Variants in EPHA5 observed in about 807,000 individuals in gnomAD.
EPHA5 encodes the protein EPH receptor A5.
A neutral mutation model predicts 105.0 loss-of-function variants in EPHA5; 60 were observed. That is an observed-to-expected ratio of 0.57 (90% CI 0.46 to 0.71). The LOEUF is 0.71. Ranked by LOEUF, EPHA5 falls within the 30% of genes least tolerant of loss-of-function variation. EPHA5 has a pLI of 0.00. For missense variants in EPHA5, 1,218 were observed against 1,274.7 expected (o/e 0.96, Z 0.68); for synonymous variants, 513 against 449.1 (o/e 1.14, Z -1.80).
chr4:65,574,371 ATAAT>A (rs562815153), intron 3 of EPHA5: 625 of 851,102 alleles, frequency 7.3e-4, no homozygotes, highest in African/African-American at 5.1e-3. Flanking sequence ...CAAAAAAAAA[ATAAT>A]AATAATAAAA....
At chr4:65,510,558 C>T (rs1733519056) in intron 3 of EPHA5, among the ~76,000 whole-genome samples, 2 of 152,084 alleles carry the variant, frequency 1.3e-5, no homozygotes, top group African/African-American at 4.8e-5. Context: ...TAAAATAGCA[C>T]CTCTTTTGTG....
At position 65,324,220 on chromosome 4, in the gene EPHA5, C is replaced by T. The variant is rs757455898; in HGVS notation, c.2946-1G>A. On this transcript the variant is annotated splice_acceptor_variant, in intron 16 of 16. Transcript: ENST00000613740. LOFTEE classifies it high-confidence loss of function. ...AGTCACTCCAAGCCGTCTCAAATCCCTGCATGAAGAAAGCACACATTGGAT... is the reference window on the plus strand; with the variant it reads ...AGTCACTCCAAGCCGTCTCAAATCCTTGCATGAAGAAAGCACACATTGGAT... 1 of 1,603,896 alleles carries T rather than the reference C, an allele frequency of 6.2e-7. No individual in the cohort carries two copies. Among genetic ancestry groups the T allele is most frequent in the South Asian group, 1.1e-5 (1 of 90,538 alleles).
intron 3 of EPHA5, among the ~76,000 whole-genome samples, chr4:65,513,247 G>A (rs939330413): frequency 6.6e-6 from 1 of 152,176 alleles, no homozygotes; most frequent in Admixed American, 6.5e-5. Flanking sequence ...TAAGCACACA[G>A]ATAGTATAAT....
chr4:65,669,394 G>T, intron 1 of EPHA5, 168 bp downstream of exon 1: 4 of 984,948 alleles, frequency 4.1e-6, no homozygotes, highest in Non-Finnish European at 4.8e-6. Context: ...ACCAAAAACC[G>T]CAGAGGGGAG....
At chr4:65,448,768 A>G (rs946614327) in intron 5 of EPHA5, among the ~76,000 whole-genome samples, 1 of 152,194 alleles carries the variant, frequency 6.6e-6, no homozygotes, top group Non-Finnish European at 1.5e-5. Context: ...AGTGTATTAT[A>G]TATTACAGAG....
At chr4:65,589,154 A>C (rs1426010729) in intron 3 of EPHA5, among the ~76,000 whole-genome samples, 1 of 152,156 alleles carries the variant, frequency 6.6e-6, no homozygotes, top group African/African-American at 2.4e-5. Context: ...TACTGAGAGC[A>C]ATAACCACTC....
intron 5 of EPHA5, among the ~76,000 whole-genome samples, chr4:65,441,956 G>A (rs190452581): frequency 4.7e-4 from 71 of 152,120 alleles, no homozygotes; most frequent in African/African-American, 1.7e-3. Context: ...TACTATGCCA[G>A]GTGTTTGACA....
At chr4:65,458,475 C>T (rs1000066000) in intron 5 of EPHA5, among the ~76,000 whole-genome samples, 12 of 152,192 alleles carry the variant, frequency 7.9e-5, no homozygotes, top group Admixed American at 2.6e-4. Context: ...TGTCCAAATC[C>T]TACACACAAT....
chr4:65,661,529 C>T (rs1181786658), intron 1 of EPHA5, among the ~76,000 whole-genome samples: 1 of 152,078 alleles, frequency 6.6e-6, no homozygotes, highest in African/African-American at 2.4e-5. Flanking sequence ...CTTAGGACAC[C>T]CAGTATGGCA....
chr4:65,595,864 G>A (rs1743127873), intron 3 of EPHA5, among the ~76,000 whole-genome samples: 1 of 152,168 alleles, frequency 6.6e-6, no homozygotes, highest in Non-Finnish European at 1.5e-5. Flanking sequence ...ACAGGCATGA[G>A]CCACTGCCAA....
At chr4:65,637,403 T>C (rs1429038079) in intron 2 of EPHA5, among the ~76,000 whole-genome samples, 1 of 151,490 alleles carries the variant, frequency 6.6e-6, no homozygotes, top group African/African-American at 2.4e-5. Context: ...TACTCTCCTA[T>C]ATGGCAGTTT....
intron 2 of EPHA5, among the ~76,000 whole-genome samples, chr4:65,620,095 T>A (rs1222500114): frequency 1.5e-5 from 2 of 130,110 alleles, no homozygotes; most frequent in African/African-American, 5.5e-5. Context: ...ATCTACAGAA[T>A]ATTTGGACTC....
chr4:65,636,504 C>A (rs1426199290), intron 2 of EPHA5, among the ~76,000 whole-genome samples: 1 of 151,756 alleles, frequency 6.6e-6, no homozygotes, highest in East Asian at 1.9e-4. Context: ...AAGTCACTTA[C>A]CCATACTGAA....
rs116251636 is a variant in EPHA5, at chr4:65,487,579, T to G, written c.1402+2798A>C. On this transcript the variant is annotated intron_variant, in intron 5 of 16. Coordinates refer to ENST00000613740, the MANE Select transcript of EPHA5 (RefSeq NM_001281766.3). ...TCAGACACTGCAGCATTCTGATGGATCAGCTGGCATCATACAGAACACTTA... is the reference window on the plus strand; with the variant it reads ...TCAGACACTGCAGCATTCTGATGGAGCAGCTGGCATCATACAGAACACTTA... Among the ~76,000 whole-genome samples the G allele has an allele frequency of 6.5e-3, 984 of 152,276 alleles. 8 individuals carry two copies. The highest frequency in any genetic ancestry group is 0.022 in the African/African-American group (933 of 41,566).
chr4:65,442,236 A>G (rs537987592), intron 5 of EPHA5, among the ~76,000 whole-genome samples: 1 of 152,246 alleles, frequency 6.6e-6, no homozygotes, highest in Admixed American at 6.5e-5. Flanking sequence ...TGAGGTCATT[A>G]GGGTGGGGCC....
chr4:65,557,008 C>T lies in EPHA5; in HGVS notation c.910+44633G>A, dbSNP rs914595309. ...TATAAAATTCTGTTTGTCCTTTATTCGGACAATTACAGGACTCACTTTCTG... is the reference window on the plus strand; with the variant it reads ...TATAAAATTCTGTTTGTCCTTTATTTGGACAATTACAGGACTCACTTTCTG... On this transcript the variant is annotated intron_variant, in intron 3 of 16. Transcript: ENST00000613740. Among the ~76,000 whole-genome samples the T allele has an allele frequency of 4.6e-5, 7 of 151,660 alleles. No homozygotes were observed. The South Asian group carries it at 6.3e-4, about 14-fold the overall frequency.
At chr4:65,401,193 T>G (rs986750714) in intron 8 of EPHA5, among the ~76,000 whole-genome samples, 1 of 152,090 alleles carries the variant, frequency 6.6e-6, no homozygotes, top group Non-Finnish European at 1.5e-5. Flanking sequence ...TCAAATATAG[T>G]TTCCCAAATT....
At chr4:65,458,713 A>G (rs1368867747) in intron 5 of EPHA5, among the ~76,000 whole-genome samples, 1 of 152,130 alleles carries the variant, frequency 6.6e-6, no homozygotes, top group Non-Finnish European at 1.5e-5. Flanking sequence ...ATTACCTACA[A>G]TAGTACCTTT....
At chr4:65,334,519 C>T (rs1247728138) in intron 15 of EPHA5, among the ~76,000 whole-genome samples, 2 of 151,874 alleles carry the variant, frequency 1.3e-5, no homozygotes, top group African/African-American at 4.8e-5. Context: ...ATATCATCTA[C>T]ATGGTTATTG....
Sources: gnomAD v4.1 joint callset for allele counts (sites outside exome capture counted in the v4.1 genomes callset) on GRCh38, gnomAD v4.1.1 for gene constraint, MANE v1.5 for transcripts, NCBI Gene and HGNC (gene_info 2026-07-23, HGNC 2026-07-21) for gene names.